The following CHST11 variants were observed in gnomAD, a reference collection of about 807,000 sequenced individuals.
The protein encoded by CHST11 is carbohydrate sulfotransferase 11.
Under a neutral mutation model 30.4 loss-of-function variants are expected in CHST11, and 9 were observed. The observed-to-expected ratio is 0.30, with a 90% CI of 0.18 to 0.52. The LOEUF is 0.52. Ranked by LOEUF, CHST11 falls within the 20% of genes least tolerant of loss-of-function variation. The pLI, the probability that CHST11 is intolerant of heterozygous loss-of-function variation, is 0.97. For synonymous variants in CHST11, 152 were observed against 187.8 expected (o/e 0.81, Z 1.56); for missense variants, 348 against 460.6 (o/e 0.76, Z 2.24).
intron 2 of CHST11, among the ~76,000 whole-genome samples, chr12:104,625,520 G>A (rs2039205712): frequency 6.6e-6 from 1 of 152,150 alleles, no homozygotes; most frequent in Non-Finnish European, 1.5e-5. Context: ...GGCCAGGCTG[G>A]TCTTGAACTC....
At chr12:104,612,733 T>C (rs2039071352) in intron 2 of CHST11, among the ~76,000 whole-genome samples, 1 of 152,164 alleles carries the variant, frequency 6.6e-6, no homozygotes, top group Non-Finnish European at 1.5e-5. Flanking sequence ...TCCTGTGCAC[T>C]GTTGGTGGGA....
intron 2 of CHST11, among the ~76,000 whole-genome samples, chr12:104,669,534 T>A (rs574150372): frequency 4.6e-5 from 7 of 152,318 alleles, no homozygotes; most frequent in African/African-American, 1.7e-4. Flanking sequence ...TGTTCATTCA[T>A]AAACGTTAAT....
intron 1 of CHST11, chr12:104,588,796 C>G (rs1681947716): frequency 6.6e-6 from 1 of 152,336 alleles, no homozygotes; most frequent in South Asian, 2.1e-4. Flanking sequence ...CAGGGTGTTG[C>G]TCCACGTCCC....
Position 104,518,193 on chromosome 12 carries a change from G to A in CHST11, c.118+60664G>A, listed in dbSNP as rs994160413. Among the ~76,000 whole-genome samples, 34 of 152,082 alleles carry A rather than the reference G, an allele frequency of 2.2e-4. 1 individual carries two copies. The highest frequency in any genetic ancestry group is 2.0e-4 in the Admixed American group (3 of 15,268). On this transcript the variant is annotated intron_variant, in intron 1 of 2. Coordinates refer to ENST00000303694, the MANE Select transcript of CHST11 (RefSeq NM_018413.6). Reference sequence around the variant, plus strand: ...TCCCCGCTACGTGGGAGGCTGAGGCGGGAGGATTGCTTGAGCCCAGGAGTT... The same window carrying A: ...TCCCCGCTACGTGGGAGGCTGAGGCAGGAGGATTGCTTGAGCCCAGGAGTT...
chr12:104,580,537 T>TC (rs893422253), intron 1 of CHST11, among the ~76,000 whole-genome samples: 3 of 152,184 alleles, frequency 2.0e-5, no homozygotes, highest in Non-Finnish European at 4.4e-5. Context: ...TCAGACACAA[T>TC]CAGAGAATGG....
intron 2 of CHST11, among the ~76,000 whole-genome samples, chr12:104,718,683 G>T (rs2040150679): frequency 6.6e-6 from 1 of 152,084 alleles, no homozygotes; most frequent in Admixed American, 6.6e-5. Context: ...CTGAAATTGG[G>T]GGCGTCTCCT....
chr12:104,597,289 A>C (rs1480934923), intron 1 of CHST11, among the ~76,000 whole-genome samples: 1 of 151,578 alleles, frequency 6.6e-6, no homozygotes, highest in African/African-American at 2.4e-5. Flanking sequence ...AATTGAGCTA[A>C]TTAGATTCTT....
At chr12:104,483,873 G>A (rs968008396) in intron 1 of CHST11, among the ~76,000 whole-genome samples, 1 of 152,202 alleles carries the variant, frequency 6.6e-6, no homozygotes, top group Non-Finnish European at 1.5e-5. Flanking sequence ...AGCTGGCCTG[G>A]TGGAGGAGGC....
At chr12:104,659,345 C>G (rs1592822395) in intron 2 of CHST11, among the ~76,000 whole-genome samples, 1 of 152,232 alleles carries the variant, frequency 6.6e-6, no homozygotes, top group East Asian at 1.9e-4. Flanking sequence ...GATAATTGCT[C>G]AAGACATATG....
At chr12:104,614,127 C>T (rs1389434569) in intron 2 of CHST11, among the ~76,000 whole-genome samples, 1 of 152,146 alleles carries the variant, frequency 6.6e-6, no homozygotes, top group African/African-American at 2.4e-5. Flanking sequence ...CACTATCTAT[C>T]TCTCTATCTA....
chr12:104,684,839 A>ACCAC (rs1360685255), intron 2 of CHST11, among the ~76,000 whole-genome samples: 2 of 152,126 alleles, frequency 1.3e-5, no homozygotes, highest in Admixed American at 6.5e-5. Flanking sequence ...ATGAGCCACC[A>ACCAC]CCACACCCAG....
At chr12:104,619,160 C>T (rs1394671415) in intron 2 of CHST11, among the ~76,000 whole-genome samples, 1 of 152,220 alleles carries the variant, frequency 6.6e-6, no homozygotes, top group Non-Finnish European at 1.5e-5. Flanking sequence ...GAAATGGGAG[C>T]AAGGCATGGT....
chr12:104,690,064 C>A (rs988267063), intron 2 of CHST11, among the ~76,000 whole-genome samples: 5 of 152,232 alleles, frequency 3.3e-5, no homozygotes, highest in African/African-American at 1.2e-4. Context: ...GGTGGGCTCA[C>A]ACTCTTGTGA....
intron 2 of CHST11, among the ~76,000 whole-genome samples, chr12:104,607,225 C>T (rs994159722): frequency 6.6e-5 from 10 of 152,076 alleles, no homozygotes; most frequent in African/African-American, 2.2e-4. Flanking sequence ...GATAGAGCAT[C>T]GCATCTTGGT....
intron 1 of CHST11, among the ~76,000 whole-genome samples, chr12:104,569,846 C>A (rs977242627): frequency 1.1e-4 from 16 of 152,164 alleles, no homozygotes; most frequent in African/African-American, 3.9e-4. Flanking sequence ...TTTTGAGGTT[C>A]AGTGTAGGCT....
chr12:104,635,467 C>T (rs1411969286), intron 2 of CHST11, among the ~76,000 whole-genome samples: 1 of 152,142 alleles, frequency 6.6e-6, no homozygotes, highest in Non-Finnish European at 1.5e-5. Flanking sequence ...GTCATCTCAT[C>T]ACAGGGGGGT....
In CHST11 at chr12:104,750,020, C is replaced by T. The variant is rs566718193; in HGVS notation, c.205-6929C>T. Reference sequence around the variant, plus strand: ...CATTTCTGGATCATCAGGTCTGCCCCGGATAACCTAGTTCTGCCATATGAA... The same window carrying T: ...CATTTCTGGATCATCAGGTCTGCCCTGGATAACCTAGTTCTGCCATATGAA... On this transcript the variant is annotated intron_variant, in intron 2 of 2. Coordinates refer to ENST00000303694, the MANE Select transcript of CHST11 (RefSeq NM_018413.6). 3.2e-4 allele frequency among the ~76,000 whole-genome samples: 48 copies of T among 150,822 alleles called. 1 individual carries two copies. The South Asian group carries it at 0.01, about 32-fold the overall frequency.
intron 1 of CHST11, among the ~76,000 whole-genome samples, chr12:104,581,883 A>G (rs1264769095): frequency 6.6e-6 from 1 of 152,242 alleles, no homozygotes; most frequent in Admixed American, 6.5e-5. Context: ...AAAACAAAGC[A>G]TTCAACTTGT....
intron 1 of CHST11, among the ~76,000 whole-genome samples, chr12:104,498,159 A>G (rs1057242766): frequency 1.3e-5 from 2 of 151,810 alleles, no homozygotes; most frequent in Non-Finnish European, 2.9e-5. Flanking sequence ...ACCTCAAGTG[A>G]TCCACCCACC....
Sources: allele counts gnomAD v4.1 joint callset (sites outside exome capture counted in the v4.1 genomes callset), GRCh38; gene constraint gnomAD v4.1.1; transcripts MANE v1.5; gene names NCBI Gene and HGNC (gene_info 2026-07-23, HGNC 2026-07-21).